The following ARSL variants were observed in gnomAD, a reference collection of about 807,000 sequenced individuals.
The protein encoded by ARSL is arylsulfatase E (chondrodysplasia punctata 1).
Under a neutral mutation model 31.1 loss-of-function variants are expected in ARSL, and 4 were observed. The ratio of observed to expected loss-of-function variants is 0.13; its 90% CI spans 0.06 to 0.29. The LOEUF (loss-of-function observed/expected upper bound fraction) is 0.29. Ranked by LOEUF, ARSL falls within the 10% of genes least tolerant of loss-of-function variation. The pLI, the probability that ARSL is intolerant of heterozygous loss-of-function variation, is 1.00. For synonymous variants in ARSL, 198 were observed against 209.9 expected, an observed-to-expected ratio of 0.94 and a Z score of 0.49; for missense variants, 312 against 497.8, an observed-to-expected ratio of 0.63 and a Z score of 3.55.
intron 1 of ARSL, among the ~76,000 whole-genome samples, chrX:2,963,413 C>G (rs768093152): frequency 9.0e-6 from 1 of 110,697 alleles, no homozygotes; most frequent in African/African-American, 3.3e-5. Flanking sequence ...AATGAGAAAA[C>G]CCCAAACCAC....
intron 7 of ARSL, among the ~76,000 whole-genome samples, chrX:2,945,247 C>T (rs765505037): frequency 3.4e-4 from 38 of 110,672 alleles, no homozygotes; most frequent in African/African-American, 1.2e-3. Flanking sequence ...TACTGTGTGG[C>T]GTCCACGTGG....
At chrX:2,943,295 A>G (rs2089307276) in intron 7 of ARSL, 96 bp from the exon 8 acceptor site, 8 of 1,050,208 alleles carry the variant, frequency 7.6e-6, no homozygotes, top group South Asian at 4.0e-5. Flanking sequence ...GCTAGCCACA[A>G]GAATGAAGCC....
chrX:2,954,983 G>C (rs2089506541), intron 4 of ARSL, among the ~76,000 whole-genome samples: 1 of 111,934 alleles, frequency 8.9e-6, no homozygotes, highest in Non-Finnish European at 1.9e-5. Context: ...CCTGATTCTG[G>C]GGGGATTAGG....
At chrX:2,936,567 G>T (rs1249703298) in intron 10 of ARSL, among the ~76,000 whole-genome samples, 175 bp downstream of exon 10, 1 of 111,283 alleles carries the variant, frequency 9.0e-6, no homozygotes, top group East Asian at 2.8e-4. Context: ...GAATGAGAGG[G>T]ACACATATTG....
chrX:2,951,874 G>GTTT (rs63021261), intron 5 of ARSL, among the ~76,000 whole-genome samples: 876 of 84,133 alleles, frequency 0.01, 12 homozygotes, highest in African/African-American at 0.038. Context: ...CCCAGAATTT[G>GTTT]TTTTTTTTTT....
chrX:2,962,853 T>C (rs12687057), intron 1 of ARSL, among the ~76,000 whole-genome samples: 24,772 of 110,793 alleles, frequency 0.22, 2,548 homozygotes, highest in South Asian at 0.34. Context: ...CGTATCTGAT[T>C]GCCTCCTTTG....
At chrX:2,966,717 T>A (rs888138831), upstream of ARSL, among the ~76,000 whole-genome samples, 1 of 109,255 alleles carries the variant, frequency 9.2e-6, no homozygotes. Context: ...ACAAAAATAA[T>A]ATATACTTTA....
intron 1 of ARSL, among the ~76,000 whole-genome samples, chrX:2,960,957 G>C (rs1238618889): frequency 9.0e-6 from 1 of 110,978 alleles, no homozygotes; most frequent in African/African-American, 3.3e-5. Context: ...GGTGGCTCAT[G>C]CCTGGAATCC....
At chrX:2,948,696 G>C (rs898759011) in intron 6 of ARSL, among the ~76,000 whole-genome samples, 5 of 110,904 alleles carry the variant, frequency 4.5e-5, no homozygotes, top group Non-Finnish European at 7.5e-5. Flanking sequence ...TTGCTGTGTT[G>C]TCCAGGCTGG....
At chrX:2,959,817 A>C in intron 2 of ARSL, 1 of 869,673 alleles carries the variant, frequency 1.1e-6, no homozygotes, top group Non-Finnish European at 1.5e-6. Flanking sequence ...GCACGTTGGG[A>C]GGCCAAGGTG....
chrX:2,957,430 C>T (rs1247517060), intron 3 of ARSL, among the ~76,000 whole-genome samples: 2 of 110,029 alleles, frequency 1.8e-5, no homozygotes, highest in African/African-American at 6.6e-5. Context: ...GAAATGAGGC[C>T]AGGCACAGTG....
intron 6 of ARSL, 58 bp downstream of exon 6, chrX:2,949,246 G>C: frequency 8.5e-7 from 1 of 1,173,240 alleles, no homozygotes; most frequent in Non-Finnish European, 1.2e-6. Flanking sequence ...AGACTATTTA[G>C]GATGCGTTTT....
chrX:2,940,962 A>G (rs189215194), intron 8 of ARSL, among the ~76,000 whole-genome samples: 365 of 111,433 alleles, frequency 3.3e-3, no homozygotes, highest in Non-Finnish European at 5.2e-3. Flanking sequence ...TAATAACAAT[A>G]AATTTTACGA....
intron 8 of ARSL, among the ~76,000 whole-genome samples, chrX:2,940,983 T>C (rs375307338): frequency 9.0e-6 from 1 of 110,814 alleles, no homozygotes; most frequent in East Asian, 2.8e-4. Context: ...ATGAAAATAG[T>C]GATTGTAAAA....
Position 2,949,373 on chromosome X carries a change from G to A in ARSL, c.785C>T (p.Thr262Met), listed in dbSNP as rs1162739001. Reference sequence around the variant, plus strand: ...TCTTTGGAAGCACATGGGCTGCTCCGTGATGGTGTGGTTTCTCATCAGAAA... The same window carrying A: ...TCTTTGGAAGCACATGGGCTGCTCCATGATGGTGTGGTTTCTCATCAGAAA... Reference protein sequence around the residue: ...DCFLMRNHTITEQPMCFQRTT... With the variant: ...DCFLMRNHTIMEQPMCFQRTT... Residue 262 changes from threonine (T) to methionine (M), a missense_variant, in exon 6 of 11, where the codon ACG becomes ATG. Coordinates refer to ENST00000381134, the MANE Select transcript of ARSL (RefSeq NM_000047.3). The A allele has an allele frequency of 1.2e-5, 15 of 1,211,557 alleles. No homozygotes were observed. The highest frequency in any genetic ancestry group is 2.3e-4 in the Middle Eastern group (1 of 4,355).
At chrX:2,960,475 A>G (rs1328869015) in intron 1 of ARSL, 55 bp from the exon 2 acceptor site, 8 of 1,153,663 alleles carry the variant, frequency 6.9e-6, no homozygotes, top group Non-Finnish European at 4.7e-6. Flanking sequence ...TGACCTGATT[A>G]TAAATAAAAC....
At chrX:2,945,254 G>C (rs184932490) in intron 7 of ARSL, among the ~76,000 whole-genome samples, 1 of 111,015 alleles carries the variant, frequency 9.0e-6, no homozygotes, top group Non-Finnish European at 1.9e-5. Context: ...TGGCGTCCAC[G>C]TGGCCAGAAT....
At chrX:2,944,700 G>A (rs765867794) in intron 7 of ARSL, among the ~76,000 whole-genome samples, 2 of 109,725 alleles carry the variant, frequency 1.8e-5, no homozygotes, top group African/African-American at 6.6e-5. Flanking sequence ...GGGATGTGCT[G>A]TGCCCATATA....
rs773012594 is a variant in ARSL at position 2,949,480 on chromosome X, C to G, written c.678G>C (p.Pro226=). 3.3e-6 allele frequency: 4 copies of G among 1,208,996 alleles called. No homozygotes were observed. The highest frequency in any genetic ancestry group is 1.1e-6 in the Non-Finnish European group (1 of 895,097). ...CGGCCGAAAGGGCTGACCAGATGAC[C>G]GGCATCCACGAGACGGGTATCAGGT... The part of the protein sequence containing the change: ...LTHLIPVSWM[P]VIWSALSAVL... The change falls in exon 6 of 11, where the codon CCG becomes CCC. Residue 226 remains proline (P), a synonymous_variant. Coordinates refer to ENST00000381134, the MANE Select transcript of ARSL (RefSeq NM_000047.3).
Sources: allele counts gnomAD v4.1 joint callset (sites outside exome capture counted in the v4.1 genomes callset), GRCh38; gene constraint gnomAD v4.1.1; transcripts MANE v1.5; gene names NCBI Gene and HGNC (gene_info 2026-07-23, HGNC 2026-07-21).